IPO13: variants seen among roughly 807,000 people sequenced by gnomAD.
IPO13 encodes the protein importin 13, also known as importin-13.
In IPO13, 28 loss-of-function variants were observed where a neutral mutation model predicts 115.5. The observed-to-expected ratio is 0.24, with a 90% CI of 0.18 to 0.33. The LOEUF (loss-of-function observed/expected upper bound fraction) is 0.33, where lower values mean the gene tolerates loss of function less well. Ranked by LOEUF, IPO13 falls within the 10% of genes least tolerant of loss-of-function variation. The pLI is 1.00. For synonymous variants in IPO13, 414 were observed against 478.9 expected (o/e 0.86, Z 1.77); for missense variants, 785 against 1,204.6 (o/e 0.65, Z 5.16).
At chr1:43,951,382 G>A (rs1461850274) in intron 2 of IPO13, among the ~76,000 whole-genome samples, 1 of 152,190 alleles carries the variant, frequency 6.6e-6, no homozygotes, top group African/African-American at 2.4e-5. Context: ...GGCTGTGAAA[G>A]GATTCGCAGA....
Position 43,947,293 on chromosome 1 carries a change from C to T in IPO13, c.-308C>T. On this transcript the variant is annotated 5_prime_UTR_variant, in exon 1 of 20. Coordinates refer to ENST00000372343, the MANE Select transcript of IPO13 (RefSeq NM_014652.4). ...CGCAGGCCTCCCTCCCCTGTGACTC[C>T]CTCCACACAGATTCTGGGGACAGAG... is the stretch of plus-strand genomic sequence containing the variant. The T allele has an allele frequency of 2.5e-6, 1 of 399,254 alleles. No individual in the cohort carries two copies. The highest frequency in any genetic ancestry group is 3.6e-5 in the East Asian group (1 of 28,070). The allele number at this position is 399,254 out of a possible 1,614,324, so 24.7% of individuals were successfully genotyped here.
chr1:43,964,780 A>G (rs2085311172), intron 15 of IPO13, among the ~76,000 whole-genome samples: 1 of 151,704 alleles, frequency 6.6e-6, no homozygotes, highest in Non-Finnish European at 1.5e-5. Context: ...CTGAAGAGGA[A>G]TGTGCGCGGT....
chr1:43,962,000 A>G (rs1192201594), intron 14 of IPO13, among the ~76,000 whole-genome samples: 1 of 152,096 alleles, frequency 6.6e-6, no homozygotes, highest in East Asian at 1.9e-4. Context: ...AACAAAAACA[A>G]AAAAACAGCA....
Position 43,962,677 on chromosome 1 carries a change from C to T in IPO13, c.2344+1415C>T, listed in dbSNP as rs564614607. The stretch of plus-strand genomic sequence containing the variant: ...ATGCCCTTTACTGGGTGAACTCTCA[C>T]TCCTTCATGCCTTAGAAAGGAGGAA... On this transcript the variant is annotated intron_variant, in intron 14 of 19. Transcript: ENST00000372343. Among the ~76,000 whole-genome samples the T allele has an allele frequency of 3.3e-5, 5 of 152,356 alleles. No homozygotes were observed. The South Asian group carries it at 1.0e-3, about 32-fold the overall frequency.
At position 43,958,934 on chromosome 1, in the gene IPO13, C is replaced by T. The variant is rs2154302285; in HGVS notation, c.2028+45C>T. On this transcript the variant is annotated intron_variant, in intron 11 of 19. Transcript: ENST00000372343. The surrounding 1 kb of genome is among the most constrained non-coding windows in gnomAD (Gnocchi z 6.3). ...GGCAAAGACATTTGTCTTTGCCATCCCCCCAACCCCCACCTGTGGGAATGT... is the reference window on the plus strand; with the variant it reads ...GGCAAAGACATTTGTCTTTGCCATCTCCCCAACCCCCACCTGTGGGAATGT... 6.4e-7 allele frequency: 1 copy of T among 1,565,618 alleles called. No homozygotes were observed. Among genetic ancestry groups the T allele is most frequent in the Non-Finnish European group, 8.8e-7 (1 of 1,138,998 alleles).
At chr1:43,950,672 A>G (rs913577057) in intron 2 of IPO13, among the ~76,000 whole-genome samples, 2 of 152,214 alleles carry the variant, frequency 1.3e-5, no homozygotes, top group African/African-American at 2.4e-5. Context: ...GCTGCACAGT[A>G]TGGCATCACT....
chr1:43,961,907 G>A (rs943769628), intron 14 of IPO13, among the ~76,000 whole-genome samples: 17 of 152,184 alleles, frequency 1.1e-4, no homozygotes, highest in African/African-American at 4.1e-4. Context: ...TCTACTCACT[G>A]TGGCCCTTTG....
At chr1:43,957,841 A>G in intron 7 of IPO13, 136 bp from the exon 8 acceptor site, 1 of 839,610 alleles carries the variant, frequency 1.2e-6, no homozygotes, top group Non-Finnish European at 1.9e-6. Context: ...GCACATGCAT[A>G]TGTCCTCTGA....
rs1401498740 is a variant in IPO13 at position 43,949,311 on chromosome 1, A to T, written c.85-106A>T. ...CTGAGCTCTCCCTGCTCAGCCCCCC[A>T]GTCAGGGAGAGGGAGCAGCCTTGCA... On this transcript the variant is annotated intron_variant, in intron 1 of 19. Transcript: ENST00000372343. 3.1e-5 allele frequency: 38 copies of T among 1,216,242 alleles called. No homozygotes were observed. In the Admixed American group the frequency reaches 1.0e-3, roughly 33 times the overall value. 75.3% of individuals were successfully genotyped at this position (1,216,242 alleles called of 1,614,324 possible).
At chr1:43,948,484 T>A (rs3791116) in intron 1 of IPO13, among the ~76,000 whole-genome samples, 95,412 of 152,266 alleles carry the variant, frequency 0.63, 33,288 homozygotes, top group Non-Finnish European at 0.79. Context: ...CCGTTTGCCA[T>A]AACAAACAAT....
At chr1:43,955,061 G>A (rs1299113293) in intron 2 of IPO13, among the ~76,000 whole-genome samples, 2 of 152,172 alleles carry the variant, frequency 1.3e-5, no homozygotes, top group African/African-American at 2.4e-5. Flanking sequence ...TGACCTGAGA[G>A]GTGTCTTTAT....
At position 43,966,985 on chromosome 1, in the gene IPO13, A is replaced by C; in HGVS notation, c.2579A>C (p.Glu860Ala). 1 of 1,613,762 alleles carries C rather than the reference A, an allele frequency of 6.2e-7. No homozygotes were observed. The highest frequency in any genetic ancestry group is 1.1e-5 in the South Asian group (1 of 91,068). The change falls in exon 18 of 20, where the codon GAA becomes GCA. Residue 860 changes from glutamate (E) to alanine (A), a missense_variant. Glu to Ala is a moderately radical substitution (Grantham distance 107). Coordinates refer to ENST00000372343, the MANE Select transcript of IPO13 (RefSeq NM_014652.4). This position sits in a 1 kb window ranked among gnomAD's most constrained non-coding sequence, Gnocchi z 4.1. ...GAGTCTGTGGGAAAGGTGGTACAGG[A>C]AGACGGTCGTATGCTGCTCATAGCA... ...EVESVGKVVQ[E>A]DGRMLLIAVL...
At position 43,957,437 on chromosome 1, in the gene IPO13, C is replaced by T. The variant is rs1372909658; in HGVS notation, c.1428C>T (p.Ile476=). 3 of 1,614,220 alleles carry T rather than the reference C, an allele frequency of 1.9e-6. No individual in the cohort carries two copies. The highest frequency in any genetic ancestry group is 1.1e-5 in the South Asian group (1 of 91,084). Residue 476 remains isoleucine, a synonymous_variant, in exon 7 of 20, where the codon ATC becomes ATT. Transcript: ENST00000372343. Reference sequence around the variant, plus strand: ...CCCTCCTCTACGGCTTCCAATCCATCGCAGAGACCATTGACGTCAACTATT... The same window carrying T: ...CCCTCCTCTACGGCTTCCAATCCATTGCAGAGACCATTGACGTCAACTATT... ...TEALLYGFQS[I]AETIDVNYSD...
At chr1:43,965,515 T>C (rs923525620) in intron 15 of IPO13, among the ~76,000 whole-genome samples, 2 of 151,934 alleles carry the variant, frequency 1.3e-5, no homozygotes, top group African/African-American at 4.8e-5. Flanking sequence ...GTATCTTTGA[T>C]GCGGAGGGTG....
Position 43,947,698 on chromosome 1 carries a change from G to A in IPO13, c.84+14G>A. ...AACGTGGAGAAGGTATGAGGGCTCTGGGGTGGGCACTCCAGTGACAGAGCA... is the reference window on the plus strand; with the variant it reads ...AACGTGGAGAAGGTATGAGGGCTCTAGGGTGGGCACTCCAGTGACAGAGCA... On this transcript the variant is annotated intron_variant, in intron 1 of 19. Coordinates refer to ENST00000372343, the MANE Select transcript of IPO13 (RefSeq NM_014652.4). 7.8e-7 allele frequency: 1 copy of A among 1,276,836 alleles called. No individual in the cohort carries two copies. Among genetic ancestry groups the A allele is most frequent in the Non-Finnish European group, 1.0e-6 (1 of 994,968 alleles). The allele number at this position is 1,276,836 out of a possible 1,614,324, so 79.1% of individuals were successfully genotyped here.
At chr1:43,961,931 G>C (rs1487696422) in intron 14 of IPO13, among the ~76,000 whole-genome samples, 1 of 152,168 alleles carries the variant, frequency 6.6e-6, no homozygotes, top group East Asian at 1.9e-4. Flanking sequence ...GAGAGAGTTG[G>C]CAGCAGGGGC....
chr1:43,947,695 TC>T lies in IPO13; in HGVS notation c.84+12del, dbSNP rs1202222985. ...GAGAACGTGGAGAAGGTATGAGGGC[TC>T]TGGGGTGGGCACTCCAGTGACAGAG... On this transcript the variant is annotated intron_variant, in intron 1 of 19. Coordinates refer to ENST00000372343, the MANE Select transcript of IPO13 (RefSeq NM_014652.4). 4 of 1,284,518 alleles carry T rather than the reference TC, an allele frequency of 3.1e-6. No individual in the cohort carries two copies. In the East Asian group the frequency reaches 1.2e-4, roughly 40 times the overall value. The allele number at this position is 1,284,518 out of a possible 1,614,324, so 79.6% of individuals were successfully genotyped here.
Position 43,956,275 on chromosome 1 carries a change from G to T in IPO13, c.822-45G>T. ...GCCTTTCTCTTAAAGCCAGTGTGGG[G>T]TTGAGCAGAGAGCTCTGATGGATTT... On this transcript the variant is annotated intron_variant, in intron 2 of 19. Coordinates refer to ENST00000372343, the MANE Select transcript of IPO13 (RefSeq NM_014652.4). The surrounding 1 kb of genome is among the most constrained non-coding windows in gnomAD (Gnocchi z 4.7). The T allele has an allele frequency of 6.2e-7, 1 of 1,609,740 alleles. No individual in the cohort carries two copies. The highest frequency in any genetic ancestry group is 8.5e-7 in the Non-Finnish European group (1 of 1,176,848).
Position 43,967,992 on chromosome 1 carries a change from C to T in IPO13, c.*310C>T. 1 of 480,932 alleles carries T rather than the reference C, an allele frequency of 2.1e-6. No individual in the cohort carries two copies. The highest frequency in any genetic ancestry group is 3.6e-5 in the East Asian group (1 of 27,832). The allele number at this position is 480,932 out of a possible 1,614,324, so 29.8% of individuals were successfully genotyped here. A position where few individuals can be genotyped will look rare whatever the true frequency, so the allele number is the denominator to read the frequency against. ...TGGTTGCAGTAGTGTCATCAACCCC[C>T]CCATCCCCATTAAATTAATCCCAAC... On this transcript the variant is annotated 3_prime_UTR_variant, in exon 20 of 20. Transcript: ENST00000372343. The surrounding 1 kb of genome is among the most constrained non-coding windows in gnomAD (Gnocchi z 6.1).
Sources: allele counts gnomAD v4.1 joint callset (sites outside exome capture counted in the v4.1 genomes callset), GRCh38; gene constraint gnomAD v4.1.1; non-coding constraint Gnocchi (gnomAD v3.1); transcripts MANE v1.5; gene names NCBI Gene and HGNC (gene_info 2026-07-23, HGNC 2026-07-21).